The following XPO1 variants were observed in gnomAD, a reference collection of about 807,000 sequenced individuals.
The protein encoded by XPO1 is exportin 1, also known as exportin-1.
XPO1 carries 5 observed loss-of-function variants against 133.3 expected under a neutral mutation model. The ratio of observed to expected loss-of-function variants is 0.04; its 90% CI spans 0.02 to 0.08. The LOEUF is 0.08. Among genes scored for constraint, XPO1 ranks in the 10% least tolerant of loss-of-function variants. XPO1 has a pLI of 1.00. For synonymous variants in XPO1, 419 were observed against 408.2 expected, an observed-to-expected ratio of 1.03 and a Z score of -0.32; for missense variants, 506 against 1,267.5, an observed-to-expected ratio of 0.40 and a Z score of 9.12.
At chr2:61,515,186 C>A (rs929726231) in intron 4 of XPO1, among the ~76,000 whole-genome samples, 10 of 151,980 alleles carry the variant, frequency 6.6e-5, no homozygotes, top group South Asian at 2.1e-4. Context: ...AGAGGCAGAT[C>A]TTGATTATAC....
Position 61,525,184 on chromosome 2 carries a change from T to C in XPO1, c.228+1236A>G, listed in dbSNP as rs938251963. 65 of 786,362 alleles carry C rather than the reference T, an allele frequency of 8.3e-5. 1 individual carries two copies. Among genetic ancestry groups the C allele is most frequent in the South Asian group, 4.7e-4 (8 of 17,176 alleles). 48.7% of individuals were successfully genotyped at this position (786,362 alleles called of 1,614,324 possible). On this transcript the variant is annotated intron_variant, in intron 3 of 24. Transcript: ENST00000401558. The stretch of plus-strand genomic sequence containing the variant: ...CCCTTAGAAATACTTATTTTATGCA[T>C]TGAATTCCCCTTTCCCCTCCCACCG...
In XPO1 at chr2:61,492,322, T is replaced by C. The variant is rs531259590; in HGVS notation, c.1723+3A>G. The C allele has an allele frequency of 6.3e-7, 1 of 1,586,286 alleles. No individual in the cohort carries two copies. Among genetic ancestry groups the C allele is most frequent in the East Asian group, 2.2e-5 (1 of 44,792 alleles). On this transcript the variant is annotated splice_donor_region_variant and intron_variant, in intron 15 of 24. Transcript: ENST00000401558. This position sits in a 1 kb window ranked among gnomAD's most constrained non-coding sequence, Gnocchi z 5.6. ...GCAAAATATAGTAAAGAAAGAGATTTACCATGCATGAATTCGAACAGCTTG... is the reference window on the plus strand; with the variant it reads ...GCAAAATATAGTAAAGAAAGAGATTCACCATGCATGAATTCGAACAGCTTG...
intron 1 of XPO1, among the ~76,000 whole-genome samples, chr2:61,535,330 T>C (rs1195288081): frequency 6.6e-6 from 1 of 152,190 alleles, no homozygotes; most frequent in African/African-American, 2.4e-5. Flanking sequence ...TATACAATTA[T>C]AGAGGATTCA....
At position 61,537,752 on chromosome 2, in the gene XPO1, A is replaced by AACACAC. The variant is rs34469311; in HGVS notation, c.-203_-198dup. 0.18 allele frequency: 24,846 copies of AACACAC among 138,958 alleles called. 2,257 individuals are homozygous for AACACAC. The highest frequency in any genetic ancestry group is 0.21 in the Non-Finnish European group (13,658 of 65,126). 8.6% of individuals were successfully genotyped at this position (138,958 alleles called of 1,614,324 possible). A position where few individuals can be genotyped will look rare whatever the true frequency, so the allele number is the denominator to read the frequency against. On this transcript the variant is annotated 5_prime_UTR_variant, in exon 1 of 25. Transcript: ENST00000401558. The stretch of plus-strand genomic sequence containing the variant: ...TTACTATTTCAGGGACGCTTCCCCC[A>AACACAC]ACACACACACACACACACACACACA...
intron 4 of XPO1, among the ~76,000 whole-genome samples, chr2:61,509,558 A>G (rs1056038467): frequency 6.6e-6 from 1 of 152,194 alleles, no homozygotes; most frequent in African/African-American, 2.4e-5. Context: ...CCCAGGAGGC[A>G]GAGGTTGCAG....
rs1485299193 is a variant in XPO1, at chr2:61,495,331, T to G, written c.1047+124A>C. ...AATTCAGAATTGAGAATATATATAA[T>G]GTACTGATCAAATATTAAGTAATAA... is the stretch of plus-strand genomic sequence containing the variant. On this transcript the variant is annotated intron_variant, in intron 11 of 24. Coordinates refer to ENST00000401558, the MANE Select transcript of XPO1 (RefSeq NM_003400.4). 5.7e-6 allele frequency: 4 copies of G among 696,122 alleles called. No homozygotes were observed. In the African/African-American group the frequency reaches 7.3e-5, roughly 13 times the overall value. 43.1% of individuals were successfully genotyped at this position (696,122 alleles called of 1,614,324 possible). A position where few individuals can be genotyped will look rare whatever the true frequency, so the allele number is the denominator to read the frequency against.
At chr2:61,480,671 C>G (rs1696303178) in intron 24 of XPO1, 1 of 151,720 alleles carries the variant, frequency 6.6e-6, no homozygotes, top group South Asian at 2.1e-4. Context: ...TATTTAAGAG[C>G]TAAGAGACTA....
chr2:61,484,284 A>G (rs1168189195), intron 20 of XPO1, 179 bp from the exon 21 acceptor site: 7 of 557,460 alleles, frequency 1.3e-5, no homozygotes, highest in Middle Eastern at 4.8e-4. Flanking sequence ...ACGGAAAATG[A>G]AACTGTCCCG....
At chr2:61,507,521 T>C (rs1239308504) in intron 4 of XPO1, among the ~76,000 whole-genome samples, 1 of 151,822 alleles carries the variant, frequency 6.6e-6, no homozygotes, top group Non-Finnish European at 1.5e-5. Context: ...CAACGAGCTA[T>C]GATTGTGTCA....
In XPO1 at chr2:61,532,705, C is replaced by A. The variant is rs545166458; in HGVS notation, c.126+1067G>T. On this transcript the variant is annotated intron_variant, in intron 2 of 24. Transcript: ENST00000401558. ...AAAAAATTAGCTGGGCATGGTGGCGCGTCTGTAGTCCCAGCTACTCGGGAG... is the reference window on the plus strand; with the variant it reads ...AAAAAATTAGCTGGGCATGGTGGCGAGTCTGTAGTCCCAGCTACTCGGGAG... Among the ~76,000 whole-genome samples, 16 of 150,700 alleles carry A rather than the reference C, an allele frequency of 1.1e-4. No individual in the cohort carries two copies. In the South Asian group the frequency reaches 2.5e-3, roughly 24 times the overall value.
rs750614221 is a variant in XPO1, at chr2:61,492,874, A to G, written c.1384+41T>C. 2.5e-6 allele frequency: 4 copies of G among 1,569,354 alleles called. No individual in the cohort carries two copies. The highest frequency in any genetic ancestry group is 3.5e-6 in the Non-Finnish European group (4 of 1,159,336). On this transcript the variant is annotated intron_variant, in intron 13 of 24. Transcript: ENST00000401558. The surrounding 1 kb of genome is among the most constrained non-coding windows in gnomAD (Gnocchi z 5.6). ...CTAAAATGTATTTCCACCCCAGAAT[A>G]GATTTATAAAGGTAAAGATTAACAG...
At position 61,498,795 on chromosome 2, in the gene XPO1, A is replaced by G. The variant is rs762679045; in HGVS notation, c.640-3T>C. On this transcript the variant is annotated splice_region_variant and splice_polypyrimidine_tract_variant and intron_variant, in intron 8 of 24. Transcript: ENST00000401558. Reference sequence around the variant, plus strand: ...AGTGGAGCATTTTGAGAATTTTCCTATAACAAAACACACTTGTAAATAATT... The same window carrying G: ...AGTGGAGCATTTTGAGAATTTTCCTGTAACAAAACACACTTGTAAATAATT... 1.5e-4 allele frequency: 236 copies of G among 1,613,292 alleles called. No homozygotes were observed. Among genetic ancestry groups the G allele is most frequent in the Non-Finnish European group, 1.9e-4 (219 of 1,179,834 alleles).
chr2:61,515,275 C>G (rs72888750), intron 4 of XPO1, among the ~76,000 whole-genome samples: 21,907 of 151,974 alleles, frequency 0.14, 1,741 homozygotes, highest in African/African-American at 0.17. Context: ...AAGGCAAATA[C>G]AAAAATTCTC....
At chr2:61,488,980 T>A (rs1199892044) in intron 17 of XPO1, among the ~76,000 whole-genome samples, 1 of 151,874 alleles carries the variant, frequency 6.6e-6, no homozygotes, top group African/African-American at 2.4e-5. Flanking sequence ...CAGCCGCCTG[T>A]AGTCCCACCT....
At chr2:61,529,239 G>C (rs1189897938) in intron 2 of XPO1, among the ~76,000 whole-genome samples, 1 of 152,128 alleles carries the variant, frequency 6.6e-6, no homozygotes, top group Non-Finnish European at 1.5e-5. Context: ...CTTTATCATG[G>C]GTTTAATTCT....
At chr2:61,515,574 C>A (rs1429032827) in intron 4 of XPO1, among the ~76,000 whole-genome samples, 1 of 152,170 alleles carries the variant, frequency 6.6e-6, no homozygotes, top group Non-Finnish European at 1.5e-5. Flanking sequence ...AAGCACAGGG[C>A]TTCCTATACA....
chr2:61,482,357 C>T (rs1696431884), intron 23 of XPO1, 23 bp downstream of exon 23: 3 of 1,574,708 alleles, frequency 1.9e-6, no homozygotes, highest in African/African-American at 1.4e-5. Flanking sequence ...GAACATTCTA[C>T]GTTTATTAAA....
intron 19 of XPO1, among the ~76,000 whole-genome samples, chr2:61,487,870 G>T (rs764180502): frequency 6.6e-6 from 1 of 152,040 alleles, no homozygotes; most frequent in Admixed American, 6.6e-5. Flanking sequence ...AAACTGCACC[G>T]GTACTCCATT....
chr2:61,479,089 G>A (rs1696198368), intron 24 of XPO1, 123 bp from the exon 25 acceptor site: 2 of 1,173,688 alleles, frequency 1.7e-6, no homozygotes, highest in Non-Finnish European at 2.4e-6. Flanking sequence ...AAGTGGCTGG[G>A]TTTTAAATTA....
Sources: allele counts gnomAD v4.1 joint callset (sites outside exome capture counted in the v4.1 genomes callset), GRCh38; gene constraint gnomAD v4.1.1; non-coding constraint Gnocchi (gnomAD v3.1); transcripts MANE v1.5; gene names NCBI Gene and HGNC (gene_info 2026-07-23, HGNC 2026-07-21).